NDUFAF6: variants seen among roughly 807,000 people sequenced by gnomAD.
NDUFAF6 encodes the protein NADH:ubiquinone oxidoreductase complex assembly factor 6, also known as NADH dehydrogenase (ubiquinone) complex I, assembly factor 6.
NDUFAF6 carries 45 observed loss-of-function variants against 40.8 expected under a neutral mutation model. The observed-to-expected ratio is 1.10, with a 90% CI of 0.87 to 1.42. The LOEUF is 1.42. NDUFAF6 is among the 40% of genes most tolerant of loss of function. The pLI, the probability that NDUFAF6 is intolerant of heterozygous loss-of-function variation, is 0.00. For missense variants in NDUFAF6, 435 were observed against 418.5 expected, an observed-to-expected ratio of 1.04 and a Z score of -0.34; for synonymous variants, 185 against 155.9, an observed-to-expected ratio of 1.19 and a Z score of -1.39.
rs746132516 is a variant in NDUFAF6, at chr8:95,025,194, G to A, written c.186G>A (p.Leu62=). ...PGAWGTDHYC[L]ELLRKRDYEG... is the part of the protein sequence containing the mutation. ...CCTGGGGCACTGACCACTACTGCCT[G>A]GAGCTGCTGCGGTGAGCGAGCACGA... The change falls in exon 1 of 9, where the codon CTG becomes CTA. Residue 62 remains leucine (L), a synonymous_variant. Transcript: ENST00000396124. 3.4e-6 allele frequency: 5 copies of A among 1,449,764 alleles called. No individual in the cohort carries two copies. The East Asian group carries it at 1.2e-4, about 34-fold the overall frequency. The allele number at this position is 1,449,764 out of a possible 1,614,324, so 89.8% of individuals were successfully genotyped here.
intron 2 of NDUFAF6, among the ~76,000 whole-genome samples, chr8:95,082,080 A>AC (rs1563859304): frequency 1.2e-4 from 18 of 151,870 alleles, no homozygotes; most frequent in Admixed American, 8.5e-4. Flanking sequence ...AAACAACAAA[A>AC]AAAAAAAAAC....
chr8:94,958,486 C>G (rs1353963241), intron 1 of NDUFAF6, among the ~76,000 whole-genome samples: 1 of 146,920 alleles, frequency 6.8e-6, no homozygotes, highest in African/African-American at 2.6e-5. Context: ...TGTTGATCAC[C>G]TGTCTCAAAG....
intron 2 of NDUFAF6, among the ~76,000 whole-genome samples, chr8:95,019,386 T>A (rs1827599516): frequency 6.6e-6 from 1 of 152,238 alleles, no homozygotes; most frequent in South Asian, 2.1e-4. Context: ...AAACAACTTG[T>A]GCAGAGACAA....
At chr8:94,993,729 A>G (rs1826292990) in intron 2 of NDUFAF6, among the ~76,000 whole-genome samples, 1 of 152,222 alleles carries the variant, frequency 6.6e-6, no homozygotes, top group South Asian at 2.1e-4. Context: ...CCCAGGTAAG[A>G]CAAGCTAAAG....
Position 95,057,798 on chromosome 8 carries a change from CT to C in NDUFAF6, c.874-5del. ...TTTATGATCTGGTGATCACTATTCTCTTTTTTCCAGGTTTCTCTAGAGGACT... is the reference window on the plus strand; with the variant it reads ...TTTATGATCTGGTGATCACTATTCTCTTTTTCCAGGTTTCTCTAGAGGACT... On this transcript the variant is annotated splice_polypyrimidine_tract_variant and intron_variant, in intron 8 of 8. Transcript: ENST00000396124. 1.3e-6 allele frequency: 2 copies of C among 1,587,004 alleles called. No individual in the cohort carries two copies. The highest frequency in any genetic ancestry group is 1.7e-5 in the Admixed American group (1 of 59,282).
At chr8:95,059,064 T>TA (rs140044184), downstream of NDUFAF6, among the ~76,000 whole-genome samples, 610 of 152,232 alleles carry the variant, frequency 4.0e-3, 3 homozygotes, top group African/African-American at 0.014. Context: ...TTAATAATAA[T>TA]ATAAAACTTT....
At chr8:95,087,333 A>G (rs1809084941) in intron 2 of NDUFAF6, among the ~76,000 whole-genome samples, 1 of 152,072 alleles carries the variant, frequency 6.6e-6, no homozygotes, top group African/African-American at 2.4e-5. Flanking sequence ...TTTTATACCC[A>G]TATCTGTGAT....
downstream of NDUFAF6, among the ~76,000 whole-genome samples, chr8:95,061,915 T>C (rs948817179): frequency 2.6e-5 from 4 of 152,046 alleles, no homozygotes; most frequent in African/African-American, 9.7e-5. Flanking sequence ...CCTAGCACTT[T>C]AGGAGGCCGA....
intron 1 of NDUFAF6, chr8:94,940,816 C>T: frequency 6.3e-7 from 1 of 1,590,258 alleles, no homozygotes. Flanking sequence ...ACCAAGTAAC[C>T]AAGTGTACCT....
chr8:95,072,286 G>T (rs1255554308), intron 9 of NDUFAF6, among the ~76,000 whole-genome samples: 2 of 152,120 alleles, frequency 1.3e-5, no homozygotes, highest in Non-Finnish European at 2.9e-5. Flanking sequence ...TGTCCCCTAA[G>T]AACCTGACTA....
At chr8:95,048,589 A>G (rs772259414) in intron 7 of NDUFAF6, 31 bp downstream of exon 7, 67 of 1,453,470 alleles carry the variant, frequency 4.6e-5, no homozygotes, top group Non-Finnish European at 6.0e-5. Context: ...CAAATCATTT[A>G]GGGAATAATC....
chr8:94,916,380 A>G (rs1220547014), intron 1 of NDUFAF6, among the ~76,000 whole-genome samples: 1 of 152,184 alleles, frequency 6.6e-6, no homozygotes, highest in Non-Finnish European at 1.5e-5. Flanking sequence ...TGAAGGGGTA[A>G]AGGTCAGTGC....
intron 2 of NDUFAF6, among the ~76,000 whole-genome samples, chr8:94,985,512 TATA>T (rs1484311756): frequency 3.1e-3 from 16 of 5,122 alleles, no homozygotes; most frequent in South Asian, 0.01. Context: ...TATATATATA[TATA>T]TTTTTTTTTT....
intron 2 of NDUFAF6, chr8:94,949,339 G>A (rs1822341793): frequency 6.6e-6 from 1 of 151,098 alleles, no homozygotes; most frequent in Non-Finnish European, 1.5e-5. Flanking sequence ...GCCCAGGCCG[G>A]CCAGTCCAAG....
At chr8:95,059,269 T>C (rs1832506163), downstream of NDUFAF6, among the ~76,000 whole-genome samples, 1 of 152,186 alleles carries the variant, frequency 6.6e-6, no homozygotes, top group Non-Finnish European at 1.5e-5. Context: ...AATTAGTGCC[T>C]ACTTAAATTG....
upstream of NDUFAF6, among the ~76,000 whole-genome samples, chr8:95,023,881 C>G (rs1038809972): frequency 6.6e-6 from 1 of 151,986 alleles, no homozygotes; most frequent in Non-Finnish European, 1.5e-5. Flanking sequence ...GTCCCAGCTA[C>G]TCGGGAGGCT....
Position 95,052,213 on chromosome 8 carries a change from C to T in NDUFAF6, c.856C>T (p.Pro286Ser). 1.9e-6 allele frequency: 3 copies of T among 1,614,038 alleles called. No individual in the cohort carries two copies. The highest frequency in any genetic ancestry group is 2.5e-6 in the Non-Finnish European group (3 of 1,179,972). The change falls in exon 8 of 9, where the codon CCT becomes TCT. Residue 286 changes from proline (P) to serine (S), a missense_variant. Pro to Ser is a moderately conservative substitution (Grantham distance 74). Transcript: ENST00000396124. ...FHKTVPVKAF[P>S]AFLQTVSLED... ...CAAAACTGTTCCTGTGAAAGCATTT[C>T]CTGCTTTTCTTCAGACGGTAAGTAG...
At chr8:94,998,634 A>T (rs374926055) in intron 2 of NDUFAF6, among the ~76,000 whole-genome samples, 5 of 152,302 alleles carry the variant, frequency 3.3e-5, no homozygotes, top group Admixed American at 3.3e-4. Flanking sequence ...TGTTCTCAGA[A>T]GCCCACATGA....
In NDUFAF6 at chr8:94,960,757, G is replaced by GCAAACATTTGTT. The variant is rs1353130874; in HGVS notation, c.-199+2579_-199+2590dup. Among the ~76,000 whole-genome samples the GCAAACATTTGTT allele has an allele frequency of 1.2e-4, 18 of 152,302 alleles. No individual in the cohort carries two copies. The South Asian group carries it at 3.7e-3, about 32-fold the overall frequency. On this transcript the variant is annotated intron_variant, in intron 1 of 9. Transcript: ENST00000396111. ...TGTAGCAGCAACCAGTGGAGCTGCT[G>GCAAACATTTGTT]CAAACATTTGTTTTTGATAACAGTG... is the stretch of plus-strand genomic sequence containing the variant.
Sources: allele counts gnomAD v4.1 joint callset (sites outside exome capture counted in the v4.1 genomes callset), GRCh38; gene constraint gnomAD v4.1.1; transcripts MANE v1.5; gene names NCBI Gene and HGNC (gene_info 2026-07-23, HGNC 2026-07-21).